CDS2: variants seen among roughly 807,000 people sequenced by gnomAD.
The protein encoded by CDS2 is CDP-diacylglycerol synthase 2.
A neutral mutation model predicts 59.0 loss-of-function variants in CDS2; 47 were observed. The observed-to-expected ratio is 0.80, with a 90% CI of 0.63 to 1.02. The LOEUF (loss-of-function observed/expected upper bound fraction) is 1.02. Among genes scored for constraint, CDS2 ranks in the 50% least tolerant of loss-of-function variants. CDS2 has a pLI of 0.00. For missense variants in CDS2, 356 were observed against 558.9 expected, an observed-to-expected ratio of 0.64 and a Z score of 3.66; for synonymous variants, 207 against 206.4, an observed-to-expected ratio of 1.00 and a Z score of -0.02.
At position 5,173,627 on chromosome 20, in the gene CDS2, C is replaced by A. The variant is rs1164054385; in HGVS notation, c.162C>A (p.Val54=). 1 of 1,614,074 alleles carries A rather than the reference C, an allele frequency of 6.2e-7. No individual in the cohort carries two copies. Among genetic ancestry groups the A allele is most frequent in the African/African-American group, 1.3e-5 (1 of 74,936 alleles). The change falls in exon 2 of 13, where the codon GTC becomes GTA. Residue 54 remains valine (V), a synonymous_variant. Coordinates refer to ENST00000460006, the MANE Select transcript of CDS2 (RefSeq NM_003818.4). ...TCTCTGCAGATGATACCCCGGAGGT[C>A]CTCAATAGGGCCCTTTCCAACTTGT... is the stretch of plus-strand genomic sequence containing the variant. The part of the protein sequence containing the change: ...LPVSADDTPE[V]LNRALSNLSS...
At chr20:5,185,679 G>C (rs1024209446) in intron 8 of CDS2, 79 bp from the exon 9 acceptor site, 2 of 1,278,738 alleles carry the variant, frequency 1.6e-6, no homozygotes, top group Non-Finnish European at 2.3e-6. Flanking sequence ...TGAAAGAAAG[G>C]TTCTTAACAA....
intron 1 of CDS2, among the ~76,000 whole-genome samples, chr20:5,161,916 A>G (rs1234810275): frequency 6.6e-6 from 1 of 152,212 alleles, no homozygotes; most frequent in Non-Finnish European, 1.5e-5. Context: ...GTGTTAATAT[A>G]GCCTAAAATG....
At chr20:5,151,750 C>CTTTTTTTTTTT (rs57378947) in intron 1 of CDS2, among the ~76,000 whole-genome samples, 1 of 53,198 alleles carries the variant, frequency 1.9e-5, no homozygotes, top group African/African-American at 5.9e-5. Flanking sequence ...GACTCCATGT[C>CTTTTTTTTTTT]TTTTTTTTTT....
At position 5,190,324 on chromosome 20, in the gene CDS2, A is replaced by T; in HGVS notation, c.*90A>T. The T allele has an allele frequency of 1.5e-5, 17 of 1,134,002 alleles. No homozygotes were observed. The highest frequency in any genetic ancestry group is 1.8e-5 in the Non-Finnish European group (15 of 820,412). The allele number at this position is 1,134,002 out of a possible 1,614,324, so 70.2% of individuals were successfully genotyped here. A position where few individuals can be genotyped will look rare whatever the true frequency, so the allele number is the denominator to read the frequency against. The stretch of plus-strand genomic sequence containing the variant: ...AGCTGGTGTGACTTAGACAATGACG[A>T]GGCTTCAACTCACTGTCTTTTTTTT... On this transcript the variant is annotated 3_prime_UTR_variant, in exon 13 of 13. Coordinates refer to ENST00000460006, the MANE Select transcript of CDS2 (RefSeq NM_003818.4).
At chr20:5,131,571 A>G (rs1209464023) in intron 1 of CDS2, among the ~76,000 whole-genome samples, 1 of 152,250 alleles carries the variant, frequency 6.6e-6, no homozygotes, top group Non-Finnish European at 1.5e-5. Context: ...TAATTGCTGA[A>G]GTGCTATTTA....
chr20:5,185,971 G>C (rs1304281371), intron 9 of CDS2, 145 bp downstream of exon 9: 7 of 721,230 alleles, frequency 9.7e-6, no homozygotes, highest in Non-Finnish European at 1.6e-5. Context: ...AGGGCCACTG[G>C]CCATGCCAGC....
intron 1 of CDS2, among the ~76,000 whole-genome samples, chr20:5,140,805 G>T (rs2122968376): frequency 6.6e-6 from 1 of 152,308 alleles, no homozygotes; most frequent in Admixed American, 6.5e-5. Context: ...TCCTGATGGA[G>T]AAATCTTGTC....
At chr20:5,181,282 T>C (rs2091031651) in intron 5 of CDS2, among the ~76,000 whole-genome samples, 1 of 152,166 alleles carries the variant, frequency 6.6e-6, no homozygotes, top group Non-Finnish European at 1.5e-5. Context: ...GCAGTCTAAA[T>C]TGCAGAAAAA....
At position 5,193,700 on chromosome 20, in the gene CDS2, A is replaced by G. The variant is rs1411246688; in HGVS notation, c.*3466A>G. ...TGACAGAGTCGGGTAGTGGGAGAGTATAAGTGACTTGAGACAGAGTGTCCT... is the reference window on the plus strand; with the variant it reads ...TGACAGAGTCGGGTAGTGGGAGAGTGTAAGTGACTTGAGACAGAGTGTCCT... On this transcript the variant is annotated 3_prime_UTR_variant, in exon 13 of 13. Transcript: ENST00000460006. 5 of 152,226 alleles carry G rather than the reference A, an allele frequency of 3.3e-5. No homozygotes were observed. Among genetic ancestry groups the G allele is most frequent in the Admixed American group, 3.3e-4 (5 of 15,278 alleles). The allele number at this position is 152,226 out of a possible 1,614,324, so 9.4% of individuals were successfully genotyped here. A position where few individuals can be genotyped will look rare whatever the true frequency, so the allele number is the denominator to read the frequency against.
chr20:5,138,456 G>A (rs1024514559), intron 1 of CDS2, among the ~76,000 whole-genome samples: 3 of 152,004 alleles, frequency 2.0e-5, no homozygotes, highest in Admixed American at 1.3e-4. Flanking sequence ...TTGTCTGGGT[G>A]TCTGTTTTAA....
At chr20:5,148,905 C>T (rs941704454) in intron 1 of CDS2, among the ~76,000 whole-genome samples, 1 of 152,216 alleles carries the variant, frequency 6.6e-6, no homozygotes. Context: ...ACGCAGTGGT[C>T]TCTCTGTTGA....
At position 5,158,456 on chromosome 20, in the gene CDS2, G is replaced by A. The variant is rs573818821; in HGVS notation, c.58-15067G>A. On this transcript the variant is annotated intron_variant, in intron 1 of 12. Transcript: ENST00000460006. Reference sequence around the variant, plus strand: ...CAAAGTGCTGGGATTACATGTAGGTGTAAGCCACTGGGCCTGGCCTAGGTC... The same window carrying A: ...CAAAGTGCTGGGATTACATGTAGGTATAAGCCACTGGGCCTGGCCTAGGTC... 1.2e-3 allele frequency among the ~76,000 whole-genome samples: 179 copies of A among 152,334 alleles called. 1 individual carries two copies. The Middle Eastern group carries it at 0.037, about 32-fold the overall frequency.
intron 1 of CDS2, among the ~76,000 whole-genome samples, chr20:5,160,235 T>A (rs1204294163): frequency 1.3e-5 from 2 of 152,194 alleles, no homozygotes; most frequent in Non-Finnish European, 2.9e-5. Context: ...TTTGCTTAGG[T>A]CTTTTCTTAG....
intron 1 of CDS2, among the ~76,000 whole-genome samples, chr20:5,150,389 A>G (rs567332133): frequency 9.2e-5 from 14 of 152,316 alleles, no homozygotes; most frequent in African/African-American, 2.9e-4. Flanking sequence ...TCTCAGTTCC[A>G]TGTTCTTTGC....
chr20:5,183,534 C>T (rs1311869367), intron 7 of CDS2, among the ~76,000 whole-genome samples: 2 of 152,068 alleles, frequency 1.3e-5, no homozygotes, highest in Non-Finnish European at 2.9e-5. Flanking sequence ...AAGAAGAAAA[C>T]GTGAATAGAT....
chr20:5,127,318 G>C (rs2090562018), intron 1 of CDS2, among the ~76,000 whole-genome samples, 169 bp downstream of exon 1: 1 of 152,108 alleles, frequency 6.6e-6, no homozygotes, highest in South Asian at 2.1e-4. Context: ...TTCGCGGCGC[G>C]CGCGTCAGGG....
At chr20:5,134,976 C>G (rs1421681317) in intron 1 of CDS2, among the ~76,000 whole-genome samples, 1 of 152,126 alleles carries the variant, frequency 6.6e-6, no homozygotes, top group Non-Finnish European at 1.5e-5. Flanking sequence ...TAAAGCATTT[C>G]TCCTCCCTCA....
chr20:5,154,411 C>T (rs1239665711), intron 1 of CDS2, among the ~76,000 whole-genome samples: 2 of 152,120 alleles, frequency 1.3e-5, no homozygotes, highest in South Asian at 2.1e-4. Flanking sequence ...CAAGTGTGTC[C>T]CAGGCTGTGT....
At chr20:5,165,143 C>A (rs947932810) in intron 1 of CDS2, among the ~76,000 whole-genome samples, 2 of 152,162 alleles carry the variant, frequency 1.3e-5, no homozygotes, top group Non-Finnish European at 2.9e-5. Context: ...CCTTGCATTC[C>A]TAGAAGCTGG....
Sources: allele counts gnomAD v4.1 joint callset (sites outside exome capture counted in the v4.1 genomes callset), GRCh38; gene constraint gnomAD v4.1.1; transcripts MANE v1.5; gene names NCBI Gene and HGNC (gene_info 2026-07-23, HGNC 2026-07-21).